The following OCA2 variants were observed in gnomAD, a reference collection of about 807,000 sequenced individuals.
OCA2 encodes the protein P protein.
In OCA2, 77 loss-of-function variants were observed where a neutral mutation model predicts 100.2. That is an observed-to-expected ratio of 0.77 (90% CI 0.64 to 0.93). OCA2 has a LOEUF of 0.93. Among genes scored for constraint, OCA2 ranks in the 40% least tolerant of loss-of-function variants. The probability of loss-of-function intolerance (pLI) is 0.00; values close to 1 mark genes in which losing one functional copy is unlikely to be tolerated. For synonymous variants in OCA2, 432 were observed against 439.2 expected (o/e 0.98, Z 0.21); for missense variants, 1,062 against 1,089.1 (o/e 0.98, Z 0.35).
chr15:28,027,270 G>A (rs1437784333), intron 4 of OCA2, among the ~76,000 whole-genome samples: 1 of 151,910 alleles, frequency 6.6e-6, no homozygotes, highest in Non-Finnish European at 1.5e-5. Flanking sequence ...CTACGCATGC[G>A]CATCCCCTCC....
At chr15:27,888,933 G>A (rs2037343428) in intron 19 of OCA2, among the ~76,000 whole-genome samples, 1 of 152,144 alleles carries the variant, frequency 6.6e-6, no homozygotes, top group South Asian at 2.1e-4. Flanking sequence ...CTTCCCTCAT[G>A]TGAGGAAGCA....
chr15:28,057,905 A>G (rs1407449622), intron 2 of OCA2, among the ~76,000 whole-genome samples: 3 of 152,132 alleles, frequency 2.0e-5, no homozygotes, highest in Non-Finnish European at 4.4e-5. Flanking sequence ...CAACCAAACT[A>G]AGCCACCAGG....
At chr15:28,015,040 G>A (rs1445415972) in intron 8 of OCA2, 111 bp from the exon 9 acceptor site, 28 of 1,139,264 alleles carry the variant, frequency 2.5e-5, no homozygotes, top group Non-Finnish European at 3.6e-5. Flanking sequence ...TCAGCCCAAC[G>A]CCCAATCTCA....
intron 17 of OCA2, among the ~76,000 whole-genome samples, chr15:27,952,320 C>T (rs80092755): frequency 0.01 from 1,541 of 152,350 alleles, 28 homozygotes; most frequent in African/African-American, 0.035. Flanking sequence ...CATGAGGCCC[C>T]TGGAATGCAG....
intron 19 of OCA2, among the ~76,000 whole-genome samples, chr15:27,917,239 A>G (rs1389970142): frequency 6.6e-6 from 1 of 152,202 alleles, no homozygotes; most frequent in African/African-American, 2.4e-5. Flanking sequence ...TTGAATGCCA[A>G]CTAGGAGCTC....
At chr15:27,832,233 C>T (rs2034989915) in intron 23 of OCA2, among the ~76,000 whole-genome samples, 1 of 152,216 alleles carries the variant, frequency 6.6e-6, no homozygotes, top group African/African-American at 2.4e-5. Flanking sequence ...CCACTGGCCC[C>T]CTTTCCCCAC....
chr15:27,762,890 A>C (rs560366920), intron 23 of OCA2, among the ~76,000 whole-genome samples: 8 of 152,362 alleles, frequency 5.3e-5, no homozygotes, highest in African/African-American at 1.7e-4. Flanking sequence ...AAGTGAGAAC[A>C]CGTGGTATTT....
At chr15:27,985,660 CAT>C (rs2041328923) in intron 12 of OCA2, among the ~76,000 whole-genome samples, 1 of 151,762 alleles carries the variant, frequency 6.6e-6, no homozygotes, top group Admixed American at 6.6e-5. Context: ...AGCACAGTTC[CAT>C]CATTCAGAGT....
chr15:28,019,676 G>A (rs1566805447), intron 6 of OCA2, among the ~76,000 whole-genome samples: 2 of 152,140 alleles, frequency 1.3e-5, no homozygotes, highest in African/African-American at 4.8e-5. Context: ...AGGCCAGAGG[G>A]CCGGGAGGAG....
the OCA2 span, among the ~76,000 whole-genome samples, chr15:27,736,546 A>C: frequency 6.6e-6 from 1 of 152,224 alleles, no homozygotes. Context: ...TATCCTGCTA[A>C]AAGCATTCTT....
chr15:27,843,346 T>C (rs1267710826), intron 23 of OCA2, among the ~76,000 whole-genome samples: 1 of 152,094 alleles, frequency 6.6e-6, no homozygotes, highest in Non-Finnish European at 1.5e-5. Context: ...TCTGATCCCC[T>C]CTCTTGGCTG....
chr15:27,809,328 C>T (rs139081369), intron 23 of OCA2, among the ~76,000 whole-genome samples: 7 of 152,230 alleles, frequency 4.6e-5, no homozygotes, highest in East Asian at 1.9e-4. Context: ...ATCCAGCATC[C>T]GTTTATGATA....
At chr15:28,044,261 A>G (rs2043284521) in intron 2 of OCA2, among the ~76,000 whole-genome samples, 1 of 152,264 alleles carries the variant, frequency 6.6e-6, no homozygotes, top group South Asian at 2.1e-4. Flanking sequence ...ATTCTCTGAA[A>G]TGATAGTAGG....
intron 21 of OCA2, 84 bp downstream of exon 21, chr15:27,871,070 C>T: frequency 9.8e-7 from 1 of 1,020,944 alleles, no homozygotes; most frequent in South Asian, 1.3e-5. Flanking sequence ...AGGCTTCATC[C>T]TCTGCTGCCT....
chr15:28,064,190 G>C (rs905062976), intron 2 of OCA2, among the ~76,000 whole-genome samples: 1 of 152,112 alleles, frequency 6.6e-6, no homozygotes, highest in Non-Finnish European at 1.5e-5. Context: ...CCTTGTATGT[G>C]ACAAGTCACT....
downstream of OCA2, among the ~76,000 whole-genome samples, chr15:27,754,163 A>T (rs890526841): frequency 6.6e-6 from 1 of 152,218 alleles, no homozygotes; most frequent in East Asian, 1.9e-4. Context: ...TTTAAAATAA[A>T]CTACGGTTGC....
At chr15:27,764,250 C>A (rs1264996812) in intron 23 of OCA2, among the ~76,000 whole-genome samples, 1 of 151,466 alleles carries the variant, frequency 6.6e-6, no homozygotes, top group Non-Finnish European at 1.5e-5. Flanking sequence ...AAAGGAGAGG[C>A]AGGAGGGGGA....
At chr15:27,889,478 G>T (rs1354907538) in intron 19 of OCA2, among the ~76,000 whole-genome samples, 2 of 152,154 alleles carry the variant, frequency 1.3e-5, no homozygotes, top group Admixed American at 6.5e-5. Flanking sequence ...ATGTCTAAGG[G>T]TATGTCAGAG....
chr15:27,751,026 T>C (rs2150962871), downstream of OCA2, among the ~76,000 whole-genome samples: 1 of 152,324 alleles, frequency 6.6e-6, no homozygotes, highest in East Asian at 1.9e-4. Flanking sequence ...GACCCACGGA[T>C]GCATTTACTG....
Sources: allele counts gnomAD v4.1 joint callset (sites outside exome capture counted in the v4.1 genomes callset), GRCh38; gene constraint gnomAD v4.1.1; transcripts MANE v1.5; gene names NCBI Gene and HGNC (gene_info 2026-07-23, HGNC 2026-07-21).